SMYD3: variants seen among roughly 807,000 people sequenced by gnomAD.
The protein encoded by SMYD3 is histone-lysine N-methyltransferase SMYD3.
Under a neutral mutation model 57.7 loss-of-function variants are expected in SMYD3, and 36 were observed. The ratio of observed to expected loss-of-function variants is 0.62; its 90% CI spans 0.48 to 0.82. The LOEUF (loss-of-function observed/expected upper bound fraction) is 0.82. Ranked by LOEUF, SMYD3 falls within the 40% of genes least tolerant of loss-of-function variation. The probability of loss-of-function intolerance (pLI) is 0.00; values close to 1 mark genes in which losing one functional copy is unlikely to be tolerated. For synonymous variants in SMYD3, 211 were observed against 195.0 expected (o/e 1.08, Z -0.68); for missense variants, 515 against 538.8 (o/e 0.96, Z 0.44).
At chr1:246,254,302 T>A (rs748057656) in intron 5 of SMYD3, among the ~76,000 whole-genome samples, 30 of 152,180 alleles carry the variant, frequency 2.0e-4, no homozygotes, top group Non-Finnish European at 4.0e-4. Flanking sequence ...CCATCTTGAG[T>A]TAATTTTTAT....
intron 5 of SMYD3, among the ~76,000 whole-genome samples, chr1:245,951,566 C>CT (rs1321909697): frequency 9.0e-6 from 1 of 111,590 alleles, no homozygotes; most frequent in Non-Finnish European, 1.7e-5. Flanking sequence ...GAGGCTCTCT[C>CT]TCAAAAAAAA....
chr1:245,830,484 GATT>G (rs964120245), intron 10 of SMYD3, among the ~76,000 whole-genome samples: 60 of 152,180 alleles, frequency 3.9e-4, no homozygotes, highest in African/African-American at 1.4e-3. Context: ...GACATGTGGG[GATT>G]ATTATAATTC....
chr1:246,169,690 G>C (rs529429198), intron 5 of SMYD3, among the ~76,000 whole-genome samples: 1 of 152,224 alleles, frequency 6.6e-6, no homozygotes, highest in Admixed American at 6.5e-5. Context: ...GATCACCTTA[G>C]GTCAGGAGTT....
chr1:246,352,136 CAAAAAAAAAAA>C (rs10581690), intron 2 of SMYD3, among the ~76,000 whole-genome samples: 5 of 60,476 alleles, frequency 8.3e-5, no homozygotes, highest in South Asian at 9.9e-4. Context: ...GACTCTGTCT[CAAAAAAAAAAA>C]AAAAAAAAAA....
intron 5 of SMYD3, among the ~76,000 whole-genome samples, chr1:246,016,745 G>A (rs1472671794): frequency 6.6e-6 from 1 of 151,994 alleles, no homozygotes; most frequent in Non-Finnish European, 1.5e-5. Flanking sequence ...GGCAGAATGA[G>A]GGAGCACAGC....
chr1:246,472,835 G>T (rs534820010), intron 1 of SMYD3, among the ~76,000 whole-genome samples: 2 of 148,960 alleles, frequency 1.3e-5, no homozygotes, highest in African/African-American at 5.0e-5. Context: ...GGAGTCTCCC[G>T]CAGTTACTCT....
chr1:246,186,285 G>GT (rs1158864477), intron 5 of SMYD3, among the ~76,000 whole-genome samples: 2 of 152,154 alleles, frequency 1.3e-5, no homozygotes, highest in Non-Finnish European at 2.9e-5. Context: ...CCAGCAAGAT[G>GT]TAAAATGTGC....
At chr1:246,165,074 CGAA>C (rs2062183278) in intron 5 of SMYD3, among the ~76,000 whole-genome samples, 1 of 152,100 alleles carries the variant, frequency 6.6e-6, no homozygotes, top group Non-Finnish European at 1.5e-5. Context: ...ATGGTGTCAC[CGAA>C]GCCCAGGGAA....
At chr1:246,263,026 T>A (rs1351473924) in intron 5 of SMYD3, among the ~76,000 whole-genome samples, 1 of 152,184 alleles carries the variant, frequency 6.6e-6, no homozygotes, top group Admixed American at 6.5e-5. Flanking sequence ...CAAGAATGCG[T>A]GATTTGAATA....
At chr1:246,212,670 C>A (rs2063108908) in intron 5 of SMYD3, among the ~76,000 whole-genome samples, 1 of 152,122 alleles carries the variant, frequency 6.6e-6, no homozygotes, top group Non-Finnish European at 1.5e-5. Flanking sequence ...AGAACTTCAA[C>A]CCTCACTGGT....
At chr1:245,834,432 A>T (rs1370672627) in intron 10 of SMYD3, among the ~76,000 whole-genome samples, 1 of 152,172 alleles carries the variant, frequency 6.6e-6, no homozygotes, top group African/African-American at 2.4e-5. Flanking sequence ...CTGCCTGCTC[A>T]TTGGACCACT....
chr1:245,903,307 A>T (rs1020948164), intron 8 of SMYD3, among the ~76,000 whole-genome samples: 2 of 152,240 alleles, frequency 1.3e-5, no homozygotes, highest in Admixed American at 6.5e-5. Context: ...ATCTAACAAA[A>T]AAGAATGAAG....
At chr1:246,167,049 G>A (rs1409513640) in intron 5 of SMYD3, among the ~76,000 whole-genome samples, 1 of 152,200 alleles carries the variant, frequency 6.6e-6, no homozygotes, top group Non-Finnish European at 1.5e-5. Context: ...GTGGCGTCTT[G>A]TGTCTGGCTC....
intron 5 of SMYD3, among the ~76,000 whole-genome samples, chr1:246,008,745 G>A (rs758919840): frequency 6.6e-6 from 1 of 152,038 alleles, no homozygotes. Context: ...TCTCGGTTTC[G>A]TTTTTTCATG....
intron 1 of SMYD3, among the ~76,000 whole-genome samples, chr1:246,387,584 T>A (rs2066506504): frequency 6.6e-6 from 1 of 152,066 alleles, no homozygotes; most frequent in African/African-American, 2.4e-5. Flanking sequence ...AATCTGACAA[T>A]AGAAAGCACA....
intron 5 of SMYD3, among the ~76,000 whole-genome samples, chr1:246,126,116 G>A (rs139123897): frequency 1.5e-3 from 229 of 152,296 alleles, no homozygotes; most frequent in African/African-American, 5.4e-3. Context: ...GCGCAGTGCC[G>A]TGCCAAGCTA....
chr1:246,349,912 T>G (rs1341886512), intron 2 of SMYD3, among the ~76,000 whole-genome samples: 1 of 152,098 alleles, frequency 6.6e-6, no homozygotes, highest in African/African-American at 2.4e-5. Flanking sequence ...CGATAAATAT[T>G]AACCCAACTA....
chr1:245,797,615 G>C (rs1046395924), intron 10 of SMYD3, among the ~76,000 whole-genome samples: 4 of 151,580 alleles, frequency 2.6e-5, no homozygotes, highest in African/African-American at 9.7e-5. Context: ...CATGGCACAT[G>C]TATACATATG....
chr1:246,136,934 G>A (rs993089840), intron 5 of SMYD3, among the ~76,000 whole-genome samples: 7 of 152,130 alleles, frequency 4.6e-5, no homozygotes, highest in South Asian at 2.1e-4. Flanking sequence ...GAGAGTTCAC[G>A]GAAAGTTTTT....
Sources: allele counts gnomAD v4.1 joint callset (sites outside exome capture counted in the v4.1 genomes callset), GRCh38; gene constraint gnomAD v4.1.1; transcripts MANE v1.5; gene names NCBI Gene and HGNC (gene_info 2026-07-23, HGNC 2026-07-21).